The following NEXMIF variants were observed in gnomAD, a reference collection of about 807,000 sequenced individuals.
The protein encoded by NEXMIF is neurite extension and migration factor, also known as XLMR protein related to neurite extension.
NEXMIF carries 8 observed loss-of-function variants against 62.1 expected under a neutral mutation model. The ratio of observed to expected loss-of-function variants is 0.13; its 90% CI spans 0.08 to 0.23. The LOEUF (loss-of-function observed/expected upper bound fraction) is 0.23. NEXMIF is among the 10% of genes least tolerant of loss of function. NEXMIF has a pLI of 1.00. For missense variants in NEXMIF, 976 were observed against 1,113.3 expected, an observed-to-expected ratio of 0.88 and a Z score of 1.75; for synonymous variants, 404 against 416.6, an observed-to-expected ratio of 0.97 and a Z score of 0.37.
At chrX:74,804,155 G>A (rs758481898) in intron 1 of NEXMIF, among the ~76,000 whole-genome samples, 4 of 112,020 alleles carry the variant, frequency 3.6e-5, no homozygotes, top group South Asian at 3.7e-4. Flanking sequence ...TTAAAAACTC[G>A]GGAGATGAAG....
At chrX:74,883,105 C>A (rs1293836476) in intron 1 of NEXMIF, among the ~76,000 whole-genome samples, 1 of 111,720 alleles carries the variant, frequency 9.0e-6, no homozygotes, top group African/African-American at 3.3e-5. Flanking sequence ...AGAAGGAAAA[C>A]TAACAAAAAG....
chrX:74,896,632 A>G (rs188777819), intron 1 of NEXMIF, among the ~76,000 whole-genome samples: 18 of 111,966 alleles, frequency 1.6e-4, no homozygotes, highest in African/African-American at 5.8e-4. Flanking sequence ...CTAATTCCTT[A>G]CCCTGGGTGT....
chrX:74,751,895 G>T (rs1569337422), intron 1 of NEXMIF, among the ~76,000 whole-genome samples: 1 of 104,551 alleles, frequency 9.6e-6, no homozygotes, highest in Non-Finnish European at 1.9e-5. Flanking sequence ...AGGCTGGAGT[G>T]CAACAGCGCG....
At chrX:74,768,182 T>C (rs1327080557) in intron 1 of NEXMIF, among the ~76,000 whole-genome samples, 3 of 111,566 alleles carry the variant, frequency 2.7e-5, no homozygotes, top group Non-Finnish European at 1.9e-5. Context: ...AAAAAAAGCA[T>C]GTGTCTTCAG....
In NEXMIF at chrX:74,833,771, C is replaced by G. The variant is rs764010759; in HGVS notation, c.-47-88074G>C. Among the ~76,000 whole-genome samples the G allele has an allele frequency of 4.5e-5, 5 of 111,080 alleles. No homozygotes were observed. In the Admixed American group the frequency reaches 4.8e-4, roughly 11 times the overall value. On this transcript the variant is annotated intron_variant, in intron 1 of 3. Coordinates refer to ENST00000055682, the MANE Select transcript of NEXMIF (RefSeq NM_001008537.3). Reference sequence around the variant, plus strand: ...TTTTTGATTTGAGGTTACTGAGAGGCTTGCAAATACGATTTTATAACTCAT... The same window carrying G: ...TTTTTGATTTGAGGTTACTGAGAGGGTTGCAAATACGATTTTATAACTCAT...
Position 74,886,054 on chromosome X carries a change from G to A in NEXMIF, c.-48+38829C>T, listed in dbSNP as rs751466623. Among the ~76,000 whole-genome samples, 10 of 111,587 alleles carry A rather than the reference G, an allele frequency of 9.0e-5. No homozygotes were observed. The South Asian group carries it at 2.6e-3, about 29-fold the overall frequency. On this transcript the variant is annotated intron_variant, in intron 1 of 3. Coordinates refer to ENST00000055682, the MANE Select transcript of NEXMIF (RefSeq NM_001008537.3). ...CAGAACCAATGACAAAAACCACATG[G>A]TTATCTCAATAGATGCAGAAAAGGC...
chrX:74,754,924 G>C (rs1056730518), intron 1 of NEXMIF, among the ~76,000 whole-genome samples: 5 of 111,539 alleles, frequency 4.5e-5, no homozygotes, highest in African/African-American at 1.6e-4. Flanking sequence ...AAACAATCTT[G>C]GTCCCACTGT....
chrX:74,819,288 A>T (rs1019399583), intron 1 of NEXMIF, among the ~76,000 whole-genome samples: 1 of 112,062 alleles, frequency 8.9e-6, no homozygotes, highest in Non-Finnish European at 1.9e-5. Flanking sequence ...GGACTTCATG[A>T]CTAAAACACC....
At chrX:74,766,791 T>C (rs982367507) in intron 1 of NEXMIF, among the ~76,000 whole-genome samples, 1 of 112,247 alleles carries the variant, frequency 8.9e-6, no homozygotes, top group African/African-American at 3.2e-5. Context: ...TTGGAGGACA[T>C]AAGACACTCT....
intron 1 of NEXMIF, among the ~76,000 whole-genome samples, chrX:74,794,624 C>G (rs1056318895): frequency 2.7e-5 from 3 of 111,951 alleles, no homozygotes; most frequent in African/African-American, 9.7e-5. Context: ...TAGCAATCAG[C>G]GAGACTCTGT....
chrX:74,752,721 C>T (rs938136305), intron 1 of NEXMIF, among the ~76,000 whole-genome samples: 2 of 111,882 alleles, frequency 1.8e-5, no homozygotes, highest in Admixed American at 9.5e-5. Flanking sequence ...CTAGTCTTAA[C>T]TTTTAAACCT....
At chrX:74,796,180 T>C (rs1381714832) in intron 1 of NEXMIF, among the ~76,000 whole-genome samples, 2 of 71,737 alleles carry the variant, frequency 2.8e-5, no homozygotes, top group African/African-American at 1.1e-4. Flanking sequence ...ATTATATATA[T>C]ACATATATAT....
intron 1 of NEXMIF, among the ~76,000 whole-genome samples, chrX:74,747,259 T>C (rs1265455720): frequency 2.7e-5 from 3 of 111,743 alleles, no homozygotes; most frequent in East Asian, 2.8e-4. Flanking sequence ...TTATCCCTTA[T>C]GTCTATAGTT....
intron 1 of NEXMIF, among the ~76,000 whole-genome samples, chrX:74,876,288 T>C (rs754961318): frequency 1.8e-5 from 2 of 111,745 alleles, no homozygotes; most frequent in South Asian, 7.5e-4. Flanking sequence ...AGTTTCAATG[T>C]AGTTGAGCGG....
chrX:74,857,535 C>A (rs749301079), intron 1 of NEXMIF, among the ~76,000 whole-genome samples: 3 of 112,134 alleles, frequency 2.7e-5, no homozygotes, highest in African/African-American at 9.7e-5. Context: ...ACACTGTGGG[C>A]CTTGGGTAAG....
intron 1 of NEXMIF, among the ~76,000 whole-genome samples, chrX:74,885,586 G>C (rs1182278519): frequency 9.0e-6 from 1 of 111,422 alleles, no homozygotes; most frequent in African/African-American, 3.3e-5. Context: ...ACCCTCCCAA[G>C]ACTAAACCAG....
chrX:74,889,018 G>A (rs1366034732), intron 1 of NEXMIF, among the ~76,000 whole-genome samples: 3 of 111,816 alleles, frequency 2.7e-5, no homozygotes, highest in African/African-American at 9.8e-5. Context: ...TCCATGCCCT[G>A]CTTATATAGT....
intron 1 of NEXMIF, among the ~76,000 whole-genome samples, chrX:74,791,671 T>C (rs983480291): frequency 9.9e-5 from 11 of 110,631 alleles, no homozygotes; most frequent in African/African-American, 3.6e-4. Context: ...TATTGGTCTA[T>C]TCAGAGATTC....
At chrX:74,848,582 C>T (rs1356500815) in intron 1 of NEXMIF, among the ~76,000 whole-genome samples, 1 of 112,255 alleles carries the variant, frequency 8.9e-6, no homozygotes, top group African/African-American at 3.2e-5. Flanking sequence ...TAGAGGGCCA[C>T]TATTCAGCCC....
Sources: allele counts gnomAD v4.1 joint callset (sites outside exome capture counted in the v4.1 genomes callset), GRCh38; gene constraint gnomAD v4.1.1; transcripts MANE v1.5; gene names NCBI Gene and HGNC (gene_info 2026-07-23, HGNC 2026-07-21).